Variants in NCAPD2 observed in about 807,000 individuals in gnomAD.
The protein encoded by NCAPD2 is condensin complex subunit 1.
In NCAPD2, 100 loss-of-function variants were observed where a neutral mutation model predicts 164.5. The ratio of observed to expected loss-of-function variants is 0.61; its 90% CI spans 0.52 to 0.72. The LOEUF (loss-of-function observed/expected upper bound fraction) is 0.72. Among genes scored for constraint, NCAPD2 ranks in the 30% least tolerant of loss-of-function variants. The pLI, the probability that NCAPD2 is intolerant of heterozygous loss-of-function variation, is 0.00. For synonymous variants in NCAPD2, 585 were observed against 642.6 expected (o/e 0.91, Z 1.36); for missense variants, 1,560 against 1,749.2 (o/e 0.89, Z 1.93).
At chr12:6,507,355 G>A (rs1486454482) in intron 2 of NCAPD2, among the ~76,000 whole-genome samples, 1 of 152,224 alleles carries the variant, frequency 6.6e-6, no homozygotes, top group African/African-American at 2.4e-5. Context: ...TACTTTGGGA[G>A]TGTTGGGAAT....
chr12:6,513,501 G>A (rs1946169956), intron 6 of NCAPD2, among the ~76,000 whole-genome samples: 1 of 152,022 alleles, frequency 6.6e-6, no homozygotes. Context: ...GGCAACAGAG[G>A]CAGACCCTGT....
chr12:6,514,939 G>T lies in NCAPD2; in HGVS notation c.987+19G>T. ...TGGAGAAGTAGGTGGTCCACTAGGG[G>T]TCACTGAGCTTTTTCTGGGGATTTT... On this transcript the variant is annotated intron_variant, in intron 9 of 31. Transcript: ENST00000315579. The T allele has an allele frequency of 1.9e-6, 3 of 1,613,508 alleles. No homozygotes were observed. The highest frequency in any genetic ancestry group is 8.5e-7 in the Non-Finnish European group (1 of 1,179,670).
intron 2 of NCAPD2, among the ~76,000 whole-genome samples, chr12:6,504,228 T>TATATACACAC: frequency 1.8e-5 from 1 of 55,874 alleles, no homozygotes; most frequent in South Asian, 4.7e-4. Context: ...GATATAGATA[T>TATATACACAC]ATATATATAT....
rs1242408234 is a variant in NCAPD2 at position 6,529,833 on chromosome 12, C to T, written c.3712C>T (p.Arg1238Ter). Residue 1238 changes from arginine to a stop codon, truncating the protein, a stop_gained, in exon 29 of 32, where the codon CGA (arginine) becomes TGA (stop). Transcript: ENST00000315579. LOFTEE classifies it high-confidence loss of function. The stretch of plus-strand genomic sequence containing the variant: ...TGTGTCACAGCTGCCCCTCACAGAG[C>T]GAGGCCTCCGTAAGATGCTTGACAA... ...YCVSQLPLTE[R>*]GLRKMLDNFD... is the part of the protein sequence containing the mutation. 5 of 1,614,090 alleles carry T rather than the reference C, an allele frequency of 3.1e-6. No homozygotes were observed. The South Asian group carries it at 3.3e-5, about 11-fold the overall frequency.
chr12:6,510,383 C>G, intron 4 of NCAPD2: 1 of 781,590 alleles, frequency 1.3e-6, no homozygotes, highest in Non-Finnish European at 2.3e-6. Context: ...TGAGCTACCT[C>G]TTTTTAATAG....
intron 29 of NCAPD2, 127 bp downstream of exon 29, chr12:6,530,085 C>G (rs1404691395): frequency 2.9e-6 from 3 of 1,017,238 alleles, no homozygotes; most frequent in African/African-American, 3.3e-5. Flanking sequence ...GGGTTGCAAC[C>G]AAATTGCCAG....
At chr12:6,501,892 A>G (rs571358806) in intron 2 of NCAPD2, among the ~76,000 whole-genome samples, 6 of 152,266 alleles carry the variant, frequency 3.9e-5, no homozygotes, top group Non-Finnish European at 7.3e-5. Flanking sequence ...TACTGGATTT[A>G]TTGATGTCAT....
At chr12:6,501,748 C>T (rs896044675) in intron 2 of NCAPD2, among the ~76,000 whole-genome samples, 2 of 152,074 alleles carry the variant, frequency 1.3e-5, no homozygotes, top group African/African-American at 4.8e-5. Context: ...CATTTAGAGG[C>T]TAGGAGGATG....
chr12:6,505,664 C>G (rs898871163), intron 2 of NCAPD2, among the ~76,000 whole-genome samples: 1 of 151,982 alleles, frequency 6.6e-6, no homozygotes, highest in Non-Finnish European at 1.5e-5. Flanking sequence ...CACGGTAAAA[C>G]CCTGTCTCTA....
At chr12:6,504,234 T>TATACATATATACATATATATATATAC (rs1555137472) in intron 2 of NCAPD2, among the ~76,000 whole-genome samples, 1 of 108,236 alleles carries the variant, frequency 9.2e-6, no homozygotes, top group African/African-American at 3.2e-5. Context: ...GATATATATA[T>TATACATATATACATATATATATATAC]ATATATATAC....
chr12:6,510,947 C>CA, intron 5 of NCAPD2, 137 bp downstream of exon 5: 1 of 1,301,734 alleles, frequency 7.7e-7, no homozygotes, highest in Non-Finnish European at 1.1e-6. Context: ...AAAAGTGTCA[C>CA]ACGTTTTCTT....
chr12:6,527,014 G>A lies in NCAPD2; in HGVS notation c.2858G>A (p.Arg953Gln), dbSNP rs949516994. Residue 953 changes from arginine to glutamine, a missense_variant, in exon 22 of 32, where the codon CGA becomes CAA. Coordinates refer to ENST00000315579, the MANE Select transcript of NCAPD2 (RefSeq NM_014865.4). The stretch of plus-strand genomic sequence containing the variant: ...GTGAGTGGAGAGCTCTGCCGGCGCC[G>A]AGTTCTCCGGGAAGAACAGGAGCAC... Reference protein sequence around the residue: ...QAVSGELCRRRVLREEQEHKT... With the variant: ...QAVSGELCRRQVLREEQEHKT... 5.0e-6 allele frequency: 8 copies of A among 1,613,956 alleles called. No individual in the cohort carries two copies. The highest frequency in any genetic ancestry group is 5.1e-6 in the Non-Finnish European group (6 of 1,179,942).
At chr12:6,522,768 C>T (rs1018933516) in intron 15 of NCAPD2, 60 bp from the exon 16 acceptor site, 28 of 1,567,944 alleles carry the variant, frequency 1.8e-5, no homozygotes, top group Non-Finnish European at 2.3e-5. Context: ...AAGGTTCTGT[C>T]GTTAGGTATT....
At chr12:6,518,526 T>TTTTTTTG (rs1946232796) in intron 13 of NCAPD2, among the ~76,000 whole-genome samples, 1 of 123,318 alleles carries the variant, frequency 8.1e-6, no homozygotes, top group African/African-American at 3.3e-5. Context: ...TTTTTTTTTT[T>TTTTTTTG]TTTTTTTTGA....
Position 6,528,855 on chromosome 12 carries a change from A to G in NCAPD2, c.3476A>G (p.Lys1159Arg). The G allele has an allele frequency of 1.2e-6, 2 of 1,613,270 alleles. No homozygotes were observed. The highest frequency in any genetic ancestry group is 1.7e-6 in the Non-Finnish European group (2 of 1,179,236). ...AKNFFNELSH[K>R]GNAIYNLLPD... ...AACTTCTTCAATGAGCTCTCCCACA[A>G]GGTGAGAGGCAGAGAGGCACTGAGG... Residue 1159 changes from lysine to arginine, a missense_variant and splice_region_variant, in exon 26 of 32, where the codon AAG (lysine) becomes AGG (arginine). By Grantham distance (26) the Lys-to-Arg change is conservative. Coordinates refer to ENST00000315579, the MANE Select transcript of NCAPD2 (RefSeq NM_014865.4). The surrounding 1 kb of genome is among the most constrained non-coding windows in gnomAD (Gnocchi z 5.1).
At position 6,531,942 on chromosome 12, in the gene NCAPD2, T is replaced by G. The variant is rs1052726953; in HGVS notation, c.*530T>G. 1 of 175,828 alleles carries G rather than the reference T, an allele frequency of 5.7e-6. No homozygotes were observed. The highest frequency in any genetic ancestry group is 1.2e-5 in the Non-Finnish European group (1 of 81,894). The allele number at this position is 175,828 out of a possible 1,614,324, so 10.9% of individuals were successfully genotyped here. ...CCTTGTTTTCTAATGAATAAATGTT[T>G]TTATATACTTTTAGACATTTTTTCC... On this transcript the variant is annotated 3_prime_UTR_variant, in exon 32 of 32. Transcript: ENST00000315579. The surrounding 1 kb of genome is among the most constrained non-coding windows in gnomAD (Gnocchi z 4.1).
chr12:6,519,746 T>C (rs1379438430), intron 13 of NCAPD2, among the ~76,000 whole-genome samples: 1 of 152,156 alleles, frequency 6.6e-6, no homozygotes, highest in Non-Finnish European at 1.5e-5. Flanking sequence ...CTCATGCCTG[T>C]AATCCCAGCT....
At chr12:6,520,489 C>G (rs1000859712) in intron 13 of NCAPD2, among the ~76,000 whole-genome samples, 4 of 151,924 alleles carry the variant, frequency 2.6e-5, no homozygotes, top group Non-Finnish European at 5.9e-5. Context: ...CACCATCACA[C>G]CCGGCTAACT....
At chr12:6,527,166 G>A (rs1946325235) in intron 22 of NCAPD2, 103 bp downstream of exon 22, 1 of 1,295,234 alleles carries the variant, frequency 7.7e-7, no homozygotes, top group East Asian at 2.6e-5. Flanking sequence ...ATTACATGAA[G>A]CGAAGAGTTT....
Sources: allele counts gnomAD v4.1 joint callset (sites outside exome capture counted in the v4.1 genomes callset), GRCh38; gene constraint gnomAD v4.1.1; non-coding constraint Gnocchi (gnomAD v3.1); transcripts MANE v1.5; gene names NCBI Gene and HGNC (gene_info 2026-07-23, HGNC 2026-07-21).